The following CLHC1 variants were observed in gnomAD, a reference collection of about 807,000 sequenced individuals.
CLHC1 encodes clathrin heavy chain linker domain-containing protein 1.
In CLHC1, 72 loss-of-function variants were observed where a neutral mutation model predicts 69.5. The ratio of observed to expected loss-of-function variants is 1.04; its 90% CI spans 0.86 to 1.26. CLHC1 has a LOEUF of 1.26. Among genes scored for constraint, CLHC1 ranks in the 50% most tolerant of loss-of-function variants. The pLI, the probability that CLHC1 is intolerant of heterozygous loss-of-function variation, is 0.00. For missense variants in CLHC1, 790 were observed against 679.3 expected (o/e 1.16, Z -1.81); for synonymous variants, 223 against 224.3 (o/e 0.99, Z 0.05).
chr2:55,176,431 T>C (rs1669396565), intron 12 of CLHC1, among the ~76,000 whole-genome samples: 2 of 152,226 alleles, frequency 1.3e-5, no homozygotes, highest in African/African-American at 4.8e-5. Context: ...AATGCCTTAG[T>C]GGAGCTAACC....
chr2:55,206,962 A>AG (rs375001450), intron 8 of CLHC1: 10 of 151,948 alleles, frequency 6.6e-5, no homozygotes, highest in South Asian at 4.2e-4. Flanking sequence ...AAAAAAAAAA[A>AG]AAATTAGCCA....
intron 9 of CLHC1, among the ~76,000 whole-genome samples, chr2:55,204,942 G>T (rs1402684620): frequency 6.6e-6 from 1 of 152,088 alleles, no homozygotes; most frequent in Non-Finnish European, 1.5e-5. Context: ...AGGGTAGTAG[G>T]GGAGTTGGGT....
intron 1 of CLHC1, among the ~76,000 whole-genome samples, chr2:55,228,425 A>T (rs1674925473): frequency 6.6e-6 from 1 of 152,248 alleles, no homozygotes; most frequent in South Asian, 2.1e-4. Flanking sequence ...TTGTTCCTTA[A>T]CATCTACAAA....
chr2:55,206,508 C>CATTGG, intron 8 of CLHC1, 132 bp from the exon 9 acceptor site: 1 of 648,436 alleles, frequency 1.5e-6, no homozygotes. Context: ...TTCTAATAAA[C>CATTGG]TATAACTAGA....
chr2:55,191,318 C>T (rs1180946884), intron 9 of CLHC1, among the ~76,000 whole-genome samples: 1 of 152,168 alleles, frequency 6.6e-6, no homozygotes, highest in East Asian at 1.9e-4. Flanking sequence ...CTCACTGCAC[C>T]TCCACCTCCT....
chr2:55,172,801 T>C lies in CLHC1; in HGVS notation c.*2989A>G, dbSNP rs1000429465. On this transcript the variant is annotated 3_prime_UTR_variant, in exon 13 of 13. Transcript: ENST00000401408. ...ACCTAAAAAGTAACAGGTTTTCACC[T>C]TTTAAAGTTAAAAAAGTGATTAATT... 6.6e-6 allele frequency among the ~76,000 whole-genome samples: 1 copy of C among 152,090 alleles called. No individual in the cohort carries two copies. The highest frequency in any genetic ancestry group is 1.5e-5 in the Non-Finnish European group (1 of 68,006).
At chr2:55,231,422 A>C (rs560683357) in intron 1 of CLHC1, among the ~76,000 whole-genome samples, 2 of 152,308 alleles carry the variant, frequency 1.3e-5, no homozygotes, top group South Asian at 4.1e-4. Flanking sequence ...TGTCATTCTA[A>C]GAAATTTGAA....
rs2103629181 is a variant in CLHC1 at position 55,175,817 on chromosome 2, G to A, written c.1734C>T (p.Val578=). ...VTEISEEDDA[V]NLMEHVFW The stretch of plus-strand genomic sequence containing the variant: ...ACCAAAACACATGTTCCATTAGGTT[G>A]ACTGCGTCATCCTCTTCAGAAATTT... Residue 578 remains valine (V), a synonymous_variant, in exon 13 of 13, where the codon GTC becomes GTT. Coordinates refer to ENST00000401408, the MANE Select transcript of CLHC1 (RefSeq NM_152385.4). The A allele has an allele frequency of 6.2e-7, 1 of 1,613,950 alleles. No homozygotes were observed. The highest frequency in any genetic ancestry group is 1.7e-4 in the Middle Eastern group (1 of 6,058).
At chr2:55,221,616 G>A (rs1674123025) in intron 3 of CLHC1, among the ~76,000 whole-genome samples, 1 of 152,156 alleles carries the variant, frequency 6.6e-6, no homozygotes, top group Admixed American at 6.5e-5. Context: ...CAAATCAGAT[G>A]ATACTTTTAG....
Position 55,212,887 on chromosome 2 carries a change from T to A in CLHC1, c.366-81A>T, listed in dbSNP as rs146503938. On this transcript the variant is annotated intron_variant, in intron 4 of 12. Coordinates refer to ENST00000401408, the MANE Select transcript of CLHC1 (RefSeq NM_152385.4). The stretch of plus-strand genomic sequence containing the variant: ...AAAACCTAAAGTCAAACAGGTTAAA[T>A]CATTACTTTATTTTGAACCATTATG... The A allele has an allele frequency of 1.1e-4, 124 of 1,091,868 alleles. No homozygotes were observed. In the African/African-American group the frequency reaches 1.6e-3, roughly 14 times the overall value. 67.6% of individuals were successfully genotyped at this position (1,091,868 alleles called of 1,614,324 possible).
intron 9 of CLHC1, among the ~76,000 whole-genome samples, chr2:55,194,165 G>C (rs1671184645): frequency 6.6e-6 from 1 of 152,114 alleles, no homozygotes; most frequent in Non-Finnish European, 1.5e-5. Context: ...GTTTATTTTT[G>C]TAATGATGAA....
intron 9 of CLHC1, among the ~76,000 whole-genome samples, chr2:55,203,233 A>T (rs1672129497): frequency 6.6e-6 from 1 of 152,206 alleles, no homozygotes; most frequent in Non-Finnish European, 1.5e-5. Flanking sequence ...TGTCTATACT[A>T]CCCAAAGCAA....
rs138974864 is a variant in CLHC1, at chr2:55,229,942, G to A, written c.-255-1738C>T. 3.9e-3 allele frequency among the ~76,000 whole-genome samples: 599 copies of A among 152,220 alleles called. 3 individuals carry two copies. Among genetic ancestry groups the A allele is most frequent in the Middle Eastern group, 0.031 (9 of 294 alleles). On this transcript the variant is annotated intron_variant, in intron 1 of 12. Transcript: ENST00000401408. ...TACAAAATTAGCTGGGCGTGGTGGC[G>A]CATGCCTGTAATCCCAGCTACTGGA...
chr2:55,201,048 G>C (rs1475835958), intron 9 of CLHC1, among the ~76,000 whole-genome samples: 1 of 151,840 alleles, frequency 6.6e-6, no homozygotes, highest in African/African-American at 2.4e-5. Context: ...TAAGAAAAAA[G>C]TTTATAGCTA....
chr2:55,176,955 C>G (rs1408424587), intron 12 of CLHC1, among the ~76,000 whole-genome samples: 1 of 152,166 alleles, frequency 6.6e-6, no homozygotes, highest in Non-Finnish European at 1.5e-5. Flanking sequence ...TCACTGTAGC[C>G]TTGAGCTCCC....
rs118095719 is a variant in CLHC1, at chr2:55,213,654, A to T, written c.366-848T>A. ...TTTTAAAGACCAAAAGGTAGTATAA[A>T]CTTCTCTTAAGCATTATTTGAAGTT... On this transcript the variant is annotated intron_variant, in intron 4 of 12. Coordinates refer to ENST00000401408, the MANE Select transcript of CLHC1 (RefSeq NM_152385.4). Among the ~76,000 whole-genome samples, 474 of 152,330 alleles carry T rather than the reference A, an allele frequency of 3.1e-3. 10 individuals carry two copies. The highest frequency in any genetic ancestry group is 0.019 in the Admixed American group (287 of 15,310).
At position 55,175,692 on chromosome 2, in the gene CLHC1, C is replaced by A; in HGVS notation, c.*98G>T. 1.4e-6 allele frequency: 1 copy of A among 731,996 alleles called. No individual in the cohort carries two copies. Among genetic ancestry groups the A allele is most frequent in the South Asian group, 2.2e-5 (1 of 46,420 alleles). 45.3% of individuals were successfully genotyped at this position (731,996 alleles called of 1,614,324 possible). On this transcript the variant is annotated 3_prime_UTR_variant, in exon 13 of 13. Transcript: ENST00000401408. The stretch of plus-strand genomic sequence containing the variant: ...GATTTATTTCTGAGATCTTCTTACT[C>A]TAGATTTATTTATAAGTTAGTTACG...
chr2:55,230,417 A>C (rs775879538), intron 1 of CLHC1, among the ~76,000 whole-genome samples: 3 of 152,240 alleles, frequency 2.0e-5, no homozygotes, highest in Non-Finnish European at 4.4e-5. Context: ...CCTGTCCATT[A>C]GAGATGTTGA....
chr2:55,200,871 A>G (rs1167953297), intron 9 of CLHC1, among the ~76,000 whole-genome samples: 1 of 152,182 alleles, frequency 6.6e-6, no homozygotes, highest in East Asian at 1.9e-4. Flanking sequence ...ATCAATAAGA[A>G]GAGGAATTTT....
Sources: gnomAD v4.1 joint callset for allele counts (sites outside exome capture counted in the v4.1 genomes callset) on GRCh38, gnomAD v4.1.1 for gene constraint, MANE v1.5 for transcripts, NCBI Gene and HGNC (gene_info 2026-07-23, HGNC 2026-07-21) for gene names.